The following MAP4K4 variants were observed in gnomAD, a reference collection of about 807,000 sequenced individuals.
The protein encoded by MAP4K4 is mitogen-activated protein kinase kinase kinase kinase 4.
In MAP4K4, 38 loss-of-function variants were observed where a neutral mutation model predicts 189.6. That is an observed-to-expected ratio of 0.20 (90% CI 0.15 to 0.26). The LOEUF (loss-of-function observed/expected upper bound fraction) is 0.26. Among genes scored for constraint, MAP4K4 ranks in the 10% least tolerant of loss-of-function variants. The pLI is 1.00. For missense variants in MAP4K4, 1,054 were observed against 1,726.9 expected (o/e 0.61, Z 6.91); for synonymous variants, 610 against 624.3 (o/e 0.98, Z 0.34).
chr2:101,747,727 G>A (rs895538520), intron 2 of MAP4K4, among the ~76,000 whole-genome samples: 2 of 152,098 alleles, frequency 1.3e-5, no homozygotes, highest in African/African-American at 4.8e-5. Context: ...GATTAGAAAA[G>A]CTCTCTGAGG....
At chr2:101,763,741 C>T (rs1338448800) in intron 2 of MAP4K4, among the ~76,000 whole-genome samples, 1 of 152,132 alleles carries the variant, frequency 6.6e-6, no homozygotes, top group Non-Finnish European at 1.5e-5. Flanking sequence ...ACCACAATCT[C>T]TATGAGAAAC....
intron 5 of MAP4K4, among the ~76,000 whole-genome samples, chr2:101,826,089 C>T (rs986691306): frequency 6.6e-6 from 1 of 152,094 alleles, no homozygotes; most frequent in Non-Finnish European, 1.5e-5. Context: ...TTGGCTATCA[C>T]AGTTTTTCTC....
chr2:101,868,400 A>C lies in MAP4K4; in HGVS notation c.2463+363A>C, dbSNP rs2097880002. ...GAACTGCTAGAAATTAAAGACAGAA[A>C]GAGCTACATAGACTGCGTTTTTAAA... On this transcript the variant is annotated intron_variant, in intron 21 of 32. Transcript: ENST00000324219. 2.6e-5 allele frequency among the ~76,000 whole-genome samples: 4 copies of C among 152,340 alleles called. No individual in the cohort carries two copies. In the South Asian group the frequency reaches 8.3e-4, roughly 32 times the overall value.
intron 2 of MAP4K4, among the ~76,000 whole-genome samples, chr2:101,761,443 C>G (rs1007430372): frequency 1.3e-5 from 2 of 151,894 alleles, no homozygotes; most frequent in East Asian, 3.9e-4. Context: ...TTTTGTGTGT[C>G]TGGCATCACA....
chr2:101,707,944 G>A (rs532571545), intron 2 of MAP4K4, among the ~76,000 whole-genome samples: 5 of 149,902 alleles, frequency 3.3e-5, no homozygotes, highest in East Asian at 4.0e-4. Flanking sequence ...CTGGTGATCC[G>A]CCCACCTCGG....
rs1265456254 is a variant in MAP4K4, at chr2:101,831,914, T to C, written c.639+63T>C. On this transcript the variant is annotated intron_variant, in intron 7 of 32. Transcript: ENST00000324219. ...CTGGCATACCCGAGGGATGGGGGCT[T>C]TGCTTATAAATTGCACACCCCTTGT... is the stretch of plus-strand genomic sequence containing the variant. 15 of 1,569,012 alleles carry C rather than the reference T, an allele frequency of 9.6e-6. No homozygotes were observed. The Admixed American group carries it at 2.9e-4, about 31-fold the overall frequency.
chr2:101,781,325 C>A (rs2087304459), intron 2 of MAP4K4, among the ~76,000 whole-genome samples: 1 of 152,136 alleles, frequency 6.6e-6, no homozygotes, highest in Non-Finnish European at 1.5e-5. Context: ...GTTTTCCCCA[C>A]CTGACCCACT....
chr2:101,803,100 T>C (rs992391234), intron 3 of MAP4K4, among the ~76,000 whole-genome samples: 2 of 152,224 alleles, frequency 1.3e-5, no homozygotes, highest in African/African-American at 2.4e-5. Context: ...TTTTTAGTGA[T>C]GTTTCATCCA....
At chr2:101,768,254 ATC>A (rs1449864145) in intron 2 of MAP4K4, among the ~76,000 whole-genome samples, 2 of 152,340 alleles carry the variant, frequency 1.3e-5, no homozygotes, top group African/African-American at 4.8e-5. Context: ...TAAAATTTTG[ATC>A]TGTTTCCTCT....
chr2:101,873,457 G>A (rs1184245054), intron 24 of MAP4K4, among the ~76,000 whole-genome samples, 190 bp from the exon 25 acceptor site: 1 of 152,206 alleles, frequency 6.6e-6, no homozygotes, highest in East Asian at 1.9e-4. Context: ...GTGGTTCCAG[G>A]TAAAGCTGCC....
rs569214302 is a variant in MAP4K4 at position 101,742,253 on chromosome 2, G to C, written c.123+43715G>C. Among the ~76,000 whole-genome samples the C allele has an allele frequency of 2.6e-5, 4 of 152,330 alleles. No individual in the cohort carries two copies. In the East Asian group the frequency reaches 5.8e-4, roughly 22 times the overall value. On this transcript the variant is annotated intron_variant, in intron 2 of 32. Coordinates refer to ENST00000324219, the Ensembl canonical transcript of MAP4K4. Reference sequence around the variant, plus strand: ...ATTTCCTTTGGAGGCTTCCCAGGCAGGTACAGGCAGGTTCTGACCTTGATT... The same window carrying C: ...ATTTCCTTTGGAGGCTTCCCAGGCACGTACAGGCAGGTTCTGACCTTGATT...
intron 22 of MAP4K4, chr2:101,869,999 G>A (rs1397997179): frequency 1.5e-6 from 1 of 678,832 alleles, no homozygotes; most frequent in Non-Finnish European, 2.4e-6. Context: ...CAGCACCCCA[G>A]CGTGTACTTT....
chr2:101,841,586 A>G (rs1009248413), intron 10 of MAP4K4, among the ~76,000 whole-genome samples: 1 of 151,832 alleles, frequency 6.6e-6, no homozygotes, highest in Non-Finnish European at 1.5e-5. Context: ...GTCCTGCCTC[A>G]GCCTGTTGAG....
At chr2:101,743,494 A>C (rs1222272082) in intron 2 of MAP4K4, among the ~76,000 whole-genome samples, 2 of 152,062 alleles carry the variant, frequency 1.3e-5, no homozygotes, top group African/African-American at 4.8e-5. Context: ...TTCCCTATTC[A>C]TGTGACAGGG....
At chr2:101,879,831 CTTTT>C (rs60874878) in intron 27 of MAP4K4, among the ~76,000 whole-genome samples, 3 of 125,000 alleles carry the variant, frequency 2.4e-5, no homozygotes, top group Non-Finnish European at 5.2e-5. Flanking sequence ...TCAGCTGCTG[CTTTT>C]TTTTTTTTTT....
At chr2:101,859,915 G>C in intron 15 of MAP4K4, 51 bp downstream of exon 15, 2 of 1,514,218 alleles carry the variant, frequency 1.3e-6, no homozygotes, top group Non-Finnish European at 1.8e-6. Context: ...GTCGTATAAC[G>C]ACTCTTCAGA....
At chr2:101,737,929 T>C (rs947558162) in intron 2 of MAP4K4, among the ~76,000 whole-genome samples, 5 of 152,176 alleles carry the variant, frequency 3.3e-5, no homozygotes, top group African/African-American at 9.7e-5. Context: ...TGAATTAATA[T>C]TTATTGATCC....
Position 101,831,983 on chromosome 2 carries a change from G to T in MAP4K4, c.639+132G>T, listed in dbSNP as rs2096606498. On this transcript the variant is annotated intron_variant, in intron 7 of 32. Coordinates refer to ENST00000324219, the Ensembl canonical transcript of MAP4K4. ...AGGAAGACCTTCAGTGAGGAAAATT[G>T]CAGGTGCAAATTTTCCAGGACAGTA... 4.7e-6 allele frequency: 5 copies of T among 1,059,162 alleles called. No individual in the cohort carries two copies. The South Asian group carries it at 6.6e-5, about 14-fold the overall frequency. 65.6% of individuals were successfully genotyped at this position (1,059,162 alleles called of 1,614,324 possible). A position where few individuals can be genotyped will look rare whatever the true frequency, so the allele number is the denominator to read the frequency against.
intron 2 of MAP4K4, among the ~76,000 whole-genome samples, chr2:101,740,315 G>C (rs1207023338): frequency 7.9e-6 from 1 of 127,134 alleles, no homozygotes; most frequent in Non-Finnish European, 1.5e-5. Context: ...CACTACGCCC[G>C]GCTAATTTTT....
Sources: gnomAD v4.1 joint callset for allele counts (sites outside exome capture counted in the v4.1 genomes callset) on GRCh38, gnomAD v4.1.1 for gene constraint, MANE v1.5 for transcripts, NCBI Gene and HGNC (gene_info 2026-07-23, HGNC 2026-07-21) for gene names.